CMC1: variants seen among roughly 807,000 people sequenced by gnomAD.
The protein encoded by CMC1 is COX assembly mitochondrial protein homolog.
CMC1 carries 14 observed loss-of-function variants against 14.1 expected under a neutral mutation model. That is an observed-to-expected ratio of 0.99 (90% confidence interval 0.66 to 1.55). The LOEUF is 1.55. CMC1 is among the 40% of genes most tolerant of loss of function. CMC1 has a pLI of 0.00. For synonymous variants in CMC1, 50 were observed against 38.4 expected (o/e 1.30, Z -1.12); for missense variants, 127 against 123.8 (o/e 1.03, Z -0.12).
chr3:28,324,276 G>A lies in CMC1; in HGVS notation c.*4647G>A. On this transcript the variant is annotated 3_prime_UTR_variant, in exon 4 of 4. Coordinates refer to ENST00000466830, the MANE Select transcript of CMC1 (RefSeq NM_182523.2). Reference sequence around the variant, plus strand: ...TCTCATTGTCTGTCCATGATTGGAGGATTGCTTTCTCTGATAAAACCTTTA... The same window carrying A: ...TCTCATTGTCTGTCCATGATTGGAGAATTGCTTTCTCTGATAAAACCTTTA... 6.2e-7 allele frequency: 1 copy of A among 1,608,906 alleles called. No individual in the cohort carries two copies.
intron 2 of CMC1, among the ~76,000 whole-genome samples, chr3:28,304,904 G>C (rs1209688260): frequency 6.6e-6 from 1 of 151,962 alleles, no homozygotes; most frequent in Non-Finnish European, 1.5e-5. Context: ...AGCTCTAATA[G>C]GTTCTAGTTT....
chr3:28,288,388 G>T (rs925539000), intron 2 of CMC1, among the ~76,000 whole-genome samples: 1 of 152,038 alleles, frequency 6.6e-6, no homozygotes, highest in East Asian at 1.9e-4. Flanking sequence ...TCTCCATCTT[G>T]TGGTAGAAGT....
At chr3:28,293,536 G>C (rs940024825) in intron 2 of CMC1, among the ~76,000 whole-genome samples, 1 of 152,138 alleles carries the variant, frequency 6.6e-6, no homozygotes, top group African/African-American at 2.4e-5. Context: ...ATTTGCTTTT[G>C]AGGCTTATGT....
intron 2 of CMC1, chr3:28,298,397 T>G (rs1423265383): frequency 1.3e-5 from 2 of 150,074 alleles, no homozygotes; most frequent in East Asian, 3.9e-4. Flanking sequence ...TAACCTAGTT[T>G]GTGAGGTTTA....
chr3:28,303,605 CAAA>C (rs1702164289), intron 2 of CMC1, among the ~76,000 whole-genome samples: 1 of 151,788 alleles, frequency 6.6e-6, no homozygotes, highest in South Asian at 2.1e-4. Flanking sequence ...TGATCTTTGT[CAAA>C]GAAGTTAGAT....
chr3:28,259,414 A>C (rs1699609348), intron 1 of CMC1, among the ~76,000 whole-genome samples: 1 of 152,122 alleles, frequency 6.6e-6, no homozygotes, highest in Non-Finnish European at 1.5e-5. Context: ...GTACATTAGG[A>C]AAAAATGTCA....
At chr3:28,244,588 G>T (rs1261836944) in intron 1 of CMC1, among the ~76,000 whole-genome samples, 1 of 152,126 alleles carries the variant, frequency 6.6e-6, no homozygotes, top group East Asian at 1.9e-4. Flanking sequence ...ATTTAGCCAG[G>T]CATGGTGGCA....
chr3:28,295,319 A>G (rs1170820142), intron 2 of CMC1, among the ~76,000 whole-genome samples: 1 of 152,116 alleles, frequency 6.6e-6, no homozygotes, highest in Non-Finnish European at 1.5e-5. Context: ...TCGTATGAAA[A>G]TTTATTCTTA....
At chr3:28,295,731 AAGAAT>A (rs1701706144) in intron 2 of CMC1, among the ~76,000 whole-genome samples, 1 of 152,166 alleles carries the variant, frequency 6.6e-6, no homozygotes, top group African/African-American at 2.4e-5. Context: ...AGAATGAATT[AAGAAT>A]ATACAGTTTC....
chr3:28,270,924 T>G (rs1053750645), intron 2 of CMC1, among the ~76,000 whole-genome samples: 3 of 143,108 alleles, frequency 2.1e-5, no homozygotes, highest in Admixed American at 2.1e-4. Flanking sequence ...TAATTTCTTT[T>G]TTTTTTTTTT....
At position 28,321,143 on chromosome 3, in the gene CMC1, T is replaced by C. The variant is rs1278316143; in HGVS notation, c.*1514T>C. 1 of 151,300 alleles carries C rather than the reference T, an allele frequency of 6.6e-6. No individual in the cohort carries two copies. The highest frequency in any genetic ancestry group is 1.5e-5 in the Non-Finnish European group (1 of 67,528). 9.4% of individuals were successfully genotyped at this position (151,300 alleles called of 1,614,324 possible). ...AGGCCACAGATCAAAAGGAGGGAGA[T>C]TACTAGAGCAGACAAAAGCAAAGCA... On this transcript the variant is annotated 3_prime_UTR_variant, in exon 4 of 4. Coordinates refer to ENST00000466830, the MANE Select transcript of CMC1 (RefSeq NM_182523.2).
At chr3:28,281,507 CA>C (rs1700891678) in intron 2 of CMC1, among the ~76,000 whole-genome samples, 1 of 152,146 alleles carries the variant, frequency 6.6e-6, no homozygotes, top group Non-Finnish European at 1.5e-5. Context: ...GTTTAATTTA[CA>C]GAATTAAGTT....
chr3:28,285,772 T>G (rs1701142487), intron 2 of CMC1, among the ~76,000 whole-genome samples: 2 of 150,246 alleles, frequency 1.3e-5, no homozygotes, highest in South Asian at 4.2e-4. Context: ...TCTCAGCATT[T>G]TTTTTTTTTT....
intron 2 of CMC1, among the ~76,000 whole-genome samples, chr3:28,272,074 G>A (rs1295667359): frequency 1.3e-5 from 2 of 152,130 alleles, no homozygotes; most frequent in Admixed American, 1.3e-4. Flanking sequence ...CATTGATTTT[G>A]TATCCTGAGA....
intron 2 of CMC1, among the ~76,000 whole-genome samples, chr3:28,276,938 T>C (rs769324685): frequency 2.0e-5 from 3 of 152,224 alleles, no homozygotes; most frequent in Admixed American, 6.5e-5. Flanking sequence ...TTTTATTGTA[T>C]TGTGCTTCAT....
At chr3:28,284,338 A>G (rs1388562709) in intron 2 of CMC1, among the ~76,000 whole-genome samples, 3 of 152,196 alleles carry the variant, frequency 2.0e-5, no homozygotes. Flanking sequence ...AAATTGTCAT[A>G]TTCTTAGAGT....
At chr3:28,249,845 A>T (rs1699036238) in intron 1 of CMC1, among the ~76,000 whole-genome samples, 1 of 152,194 alleles carries the variant, frequency 6.6e-6, no homozygotes, top group African/African-American at 2.4e-5. Flanking sequence ...AGGAAGTTCA[A>T]GACCAAGATT....
chr3:28,259,018 A>G (rs964415320), intron 1 of CMC1, among the ~76,000 whole-genome samples: 4 of 152,072 alleles, frequency 2.6e-5, no homozygotes, highest in Non-Finnish European at 5.9e-5. Context: ...GTTTTGTAGT[A>G]TGACTTGTAA....
chr3:28,264,755 T>C (rs906825875), intron 2 of CMC1, among the ~76,000 whole-genome samples: 3 of 152,092 alleles, frequency 2.0e-5, no homozygotes, highest in Non-Finnish European at 4.4e-5. Flanking sequence ...TATAATAAAG[T>C]TGTAGGGCTT....
Sources: gnomAD v4.1 joint callset for allele counts (sites outside exome capture counted in the v4.1 genomes callset) on GRCh38, gnomAD v4.1.1 for gene constraint, MANE v1.5 for transcripts, NCBI Gene and HGNC (gene_info 2026-07-23, HGNC 2026-07-21) for gene names.